Variants in ATXN3 observed in about 807,000 individuals in gnomAD.
ATXN3 encodes ataxin 3.
In ATXN3, 28 loss-of-function variants were observed where a neutral mutation model predicts 58.2. The ratio of observed to expected loss-of-function variants is 0.48; its 90% CI spans 0.36 to 0.66. The LOEUF (loss-of-function observed/expected upper bound fraction) is 0.66, where lower values mean the gene tolerates loss of function less well. Among genes scored for constraint, ATXN3 ranks in the 30% least tolerant of loss-of-function variants. The pLI is 0.00. For synonymous variants in ATXN3, 113 were observed against 138.5 expected, an observed-to-expected ratio of 0.82 and a Z score of 1.29; for missense variants, 321 against 422.1, an observed-to-expected ratio of 0.76 and a Z score of 2.10.
intron 1 of ATXN3, among the ~76,000 whole-genome samples, chr14:92,097,134 C>T (rs2065549740): frequency 6.6e-6 from 1 of 152,090 alleles, no homozygotes; most frequent in Admixed American, 6.5e-5. Flanking sequence ...TGGTCTTGAT[C>T]TCCTGACCTC....
At chr14:92,085,657 GATGGATAGC>G (rs1185297299) in intron 6 of ATXN3, among the ~76,000 whole-genome samples, 6 of 152,190 alleles carry the variant, frequency 3.9e-5, no homozygotes, top group Admixed American at 1.3e-4. Context: ...TGGAAAACCT[GATGGATAGC>G]ATGGATAGAG....
intron 3 of ATXN3, among the ~76,000 whole-genome samples, chr14:92,095,790 A>C (rs1330949887): frequency 6.6e-6 from 1 of 151,734 alleles, no homozygotes; most frequent in Non-Finnish European, 1.5e-5. Context: ...TAAAAATACA[A>C]ATATTAACTG....
intron 9 of ATXN3, among the ~76,000 whole-genome samples, chr14:92,078,231 A>C (rs1595699995): frequency 6.6e-6 from 1 of 151,790 alleles, no homozygotes; most frequent in Non-Finnish European, 1.5e-5. Context: ...TGATCCGCCC[A>C]CCTCAGCCTT....
chr14:92,056,464 A>G (rs2057465513), downstream of ATXN3, among the ~76,000 whole-genome samples: 1 of 152,224 alleles, frequency 6.6e-6, no homozygotes. Flanking sequence ...GACGTATGCT[A>G]CAACATGGAT....
intron 1 of ATXN3, among the ~76,000 whole-genome samples, chr14:92,104,604 G>A (rs1349340119): frequency 6.6e-6 from 1 of 152,104 alleles, no homozygotes; most frequent in Non-Finnish European, 1.5e-5. Context: ...TTGAAATGTG[G>A]TCCCACACCA....
In ATXN3 at chr14:92,061,315, T is replaced by A. The variant is rs1420937474; in HGVS notation, c.*3005A>T. On this transcript the variant is annotated 3_prime_UTR_variant, in exon 11 of 11. Coordinates refer to ENST00000644486, the MANE Select transcript of ATXN3 (RefSeq NM_004993.6). ...GTAAATTATTTGGCCAAGATCCTAG[T>A]ATAGAGTTTACCTGCAGCAGCCTTT... The A allele has an allele frequency of 6.6e-6, 1 of 151,984 alleles. No individual in the cohort carries two copies. The highest frequency in any genetic ancestry group is 2.4e-5 in the African/African-American group (1 of 41,390). 9.4% of individuals were successfully genotyped at this position (151,984 alleles called of 1,614,324 possible).
chr14:92,097,142 C>T (rs1407499214), intron 1 of ATXN3, among the ~76,000 whole-genome samples: 1 of 152,072 alleles, frequency 6.6e-6, no homozygotes, highest in African/African-American at 2.4e-5. Flanking sequence ...ATCTCCTGAC[C>T]TCGTGATCCG....
intron 9 of ATXN3, among the ~76,000 whole-genome samples, chr14:92,072,970 A>G (rs1474614164): frequency 6.6e-6 from 1 of 152,218 alleles, no homozygotes; most frequent in East Asian, 1.9e-4. Context: ...GTAAGACCTT[A>G]GTGTGCATGG....
chr14:92,089,834 A>T (rs1357204556), intron 5 of ATXN3, among the ~76,000 whole-genome samples: 1 of 152,208 alleles, frequency 6.6e-6, no homozygotes, highest in African/African-American at 2.4e-5. Context: ...ACAACTACAC[A>T]AAGTTTTCCC....
chr14:92,090,404 G>A (rs755699576), intron 5 of ATXN3: 4 of 151,996 alleles, frequency 2.6e-5, no homozygotes, highest in African/African-American at 7.3e-5. Context: ...CACTGCACTC[G>A]GCCCTAATTA....
chr14:92,059,885 C>G lies in ATXN3; in HGVS notation c.*4435G>C, dbSNP rs896444649. 1 of 151,276 alleles carries G rather than the reference C, an allele frequency of 6.6e-6. No homozygotes were observed. Among genetic ancestry groups the G allele is most frequent in the Non-Finnish European group, 1.5e-5 (1 of 67,928 alleles). 9.4% of individuals were successfully genotyped at this position (151,276 alleles called of 1,614,324 possible). On this transcript the variant is annotated 3_prime_UTR_variant, in exon 11 of 11. Coordinates refer to ENST00000644486, the MANE Select transcript of ATXN3 (RefSeq NM_004993.6). The stretch of plus-strand genomic sequence containing the variant: ...TAGCGGCCCAACGCCTCTTCGTTTC[C>G]GGATTAAAAAAAAACAAACAAACCT...
At chr14:92,069,752 T>G (rs2059126024) in intron 10 of ATXN3, among the ~76,000 whole-genome samples, 2 of 152,240 alleles carry the variant, frequency 1.3e-5, no homozygotes, top group South Asian at 4.1e-4. Context: ...TTGGGACTGC[T>G]GGATCACATG....
intron 1 of ATXN3, among the ~76,000 whole-genome samples, chr14:92,099,686 T>C (rs1396218576): frequency 6.8e-6 from 1 of 147,934 alleles, no homozygotes; most frequent in Non-Finnish European, 1.5e-5. Context: ...CTGGACAACA[T>C]GGTGAAACCC....
intron 5 of ATXN3, 25 bp downstream of exon 5, chr14:92,093,226 AG>A: frequency 6.9e-7 from 1 of 1,456,316 alleles, no homozygotes; most frequent in Non-Finnish European, 9.5e-7. Context: ...TAAGAAAAAA[AG>A]ACAAGGAAGG....
Position 92,096,807 on chromosome 14 carries a change from A to G in ATXN3, c.56T>C (p.Leu19Pro). The G allele has an allele frequency of 1.2e-6, 2 of 1,613,634 alleles. No individual in the cohort carries two copies. Among genetic ancestry groups the G allele is most frequent in the Non-Finnish European group, 1.7e-6 (2 of 1,179,850 alleles). ...QEGSLCAQHC[L>P]NNLLQGEYFS... ...ATATTCTCCTTGCAATAAGTTATTC[A>G]GGCAATGTTGAGCACAAAGTGAGCC... Residue 19 changes from leucine to proline, a missense_variant, in exon 2 of 11, where the codon CTG becomes CCG. Physicochemically the swap from Leu to Pro is moderately conservative, Grantham distance 98. This residue lies in a region of ATXN3 where 121 missense variants were observed against 198.9 expected (regional missense o/e 0.61). Transcript: ENST00000644486.
chr14:92,083,047 A>T, intron 7 of ATXN3, 79 bp downstream of exon 7: 1 of 1,494,784 alleles, frequency 6.7e-7, no homozygotes, highest in Non-Finnish European at 9.0e-7. Flanking sequence ...CAAGGACCAC[A>T]TATTCAATCT....
At chr14:92,054,818 T>C (rs1485848868), downstream of ATXN3, among the ~76,000 whole-genome samples, 1 of 152,126 alleles carries the variant, frequency 6.6e-6, no homozygotes, top group Non-Finnish European at 1.5e-5. Context: ...TCTCCACATT[T>C]CTTGAAGATG....
rs919478701 is a variant in ATXN3 at position 92,070,747 on chromosome 14, T to TC, written c.991+187_991+188insG. ...AGATGTGAGCCACCACATCTAGCTT[T>TC]TTTTTTTTTTTTTCTTTTGGTAACT... On this transcript the variant is annotated intron_variant, in intron 10 of 10. Coordinates refer to ENST00000644486, the MANE Select transcript of ATXN3 (RefSeq NM_004993.6). The TC allele has an allele frequency of 4.2e-4, 542 of 1,277,026 alleles. 3 individuals are homozygous for TC. Among genetic ancestry groups the TC allele is most frequent in the Non-Finnish European group, 5.1e-4 (496 of 973,630 alleles). 79.1% of individuals were successfully genotyped at this position (1,277,026 alleles called of 1,614,324 possible). A position where few individuals can be genotyped will look rare whatever the true frequency, so the allele number is the denominator to read the frequency against.
At chr14:92,089,688 A>G (rs1386483588) in intron 5 of ATXN3, among the ~76,000 whole-genome samples, 1 of 152,174 alleles carries the variant, frequency 6.6e-6, no homozygotes, top group Non-Finnish European at 1.5e-5. Flanking sequence ...TATAAACATT[A>G]AACCCTCCCA....
Sources: allele counts gnomAD v4.1 joint callset (sites outside exome capture counted in the v4.1 genomes callset), GRCh38; gene constraint gnomAD v4.1.1; regional missense constraint gnomAD v4.1.1; transcripts MANE v1.5; gene names NCBI Gene and HGNC (gene_info 2026-07-23, HGNC 2026-07-21).